The following AKAP19 variants were observed in gnomAD, a reference collection of about 807,000 sequenced individuals.
AKAP19 encodes A-kinase anchoring protein 19, also known as small A-kinase anchoring protein.
At chr2:190,066,381 A>T in the AKAP19 span, among the ~76,000 whole-genome samples, 2 of 152,194 alleles carry the variant, frequency 1.3e-5, no homozygotes, top group East Asian at 3.8e-4. Flanking sequence ...GACTTGCCGG[A>T]AGTTTAATGA....
At chr2:190,057,612 T>C in the AKAP19 span, 5 of 1,613,262 alleles carry the variant, frequency 3.1e-6, no homozygotes, top group Non-Finnish European at 4.2e-6. Flanking sequence ...TTGGTGTGTC[T>C]GTTACCTTGA....
At chr2:190,133,212 T>G in the AKAP19 span, among the ~76,000 whole-genome samples, 1 of 115,092 alleles carries the variant, frequency 8.7e-6, no homozygotes, top group Non-Finnish European at 1.6e-5. Context: ...CACTCCAGCC[T>G]GGGAGACAGA....
chr2:190,121,503 AC>A, the AKAP19 span, among the ~76,000 whole-genome samples: 2 of 152,232 alleles, frequency 1.3e-5, no homozygotes, highest in Admixed American at 6.5e-5. Flanking sequence ...TGGAAACACC[AC>A]ATTTATGGGC....
chr2:190,116,346 G>A, the AKAP19 span, among the ~76,000 whole-genome samples: 1 of 152,320 alleles, frequency 6.6e-6, no homozygotes, highest in East Asian at 1.9e-4. Context: ...GGGCAAGAGA[G>A]TGCATGTGAG....
the AKAP19 span, among the ~76,000 whole-genome samples, chr2:190,054,551 C>T: frequency 6.6e-6 from 1 of 152,136 alleles, no homozygotes; most frequent in Non-Finnish European, 1.5e-5. Context: ...ACCAGGCAAC[C>T]TACAGAATGG....
the AKAP19 span, among the ~76,000 whole-genome samples, chr2:189,976,696 C>T: frequency 2.0e-5 from 3 of 152,242 alleles, no homozygotes; most frequent in Admixed American, 2.0e-4. Context: ...CTCCCCCAGC[C>T]TCGCTGCTGC....
At chr2:190,147,106 T>C in the AKAP19 span, among the ~76,000 whole-genome samples, 1 of 152,246 alleles carries the variant, frequency 6.6e-6, no homozygotes, top group African/African-American at 2.4e-5. Context: ...TTTTCCAATG[T>C]TATCTTCTAG....
At chr2:189,895,367 TTG>T in the AKAP19 span, among the ~76,000 whole-genome samples, 1 of 152,198 alleles carries the variant, frequency 6.6e-6, no homozygotes, top group Non-Finnish European at 1.5e-5. Flanking sequence ...ACCCTAGCAC[TTG>T]TGTTGACCAT....
the AKAP19 span, among the ~76,000 whole-genome samples, chr2:190,111,740 G>T: frequency 1.3e-5 from 2 of 151,912 alleles, no homozygotes; most frequent in Admixed American, 6.6e-5. Flanking sequence ...CTGGGGTTGG[G>T]GGGGAAAGAA....
the AKAP19 span, among the ~76,000 whole-genome samples, chr2:189,888,170 T>G: frequency 6.6e-6 from 1 of 152,068 alleles, no homozygotes; most frequent in Non-Finnish European, 1.5e-5. Flanking sequence ...TAGCTGCATC[T>G]GGCTAGCCAG....
chr2:189,981,273 C>CTT, the AKAP19 span, among the ~76,000 whole-genome samples: 91 of 128,976 alleles, frequency 7.1e-4, 1 homozygote, highest in African/African-American at 2.4e-3. Flanking sequence ...CCTTCTTTGT[C>CTT]TTTTTTTTTT....
chr2:190,103,775 C>T, the AKAP19 span, among the ~76,000 whole-genome samples: 1 of 152,176 alleles, frequency 6.6e-6, no homozygotes, highest in Non-Finnish European at 1.5e-5. Flanking sequence ...AAGCAATCTA[C>T]AGATTCAATA....
chr2:189,989,202 T>G, the AKAP19 span, among the ~76,000 whole-genome samples: 1 of 151,968 alleles, frequency 6.6e-6, no homozygotes, highest in African/African-American at 2.4e-5. Context: ...CATGAGAACA[T>G]CTCAAGGATA....
chr2:190,175,056 A>G, the AKAP19 span, among the ~76,000 whole-genome samples: 1 of 150,112 alleles, frequency 6.7e-6, no homozygotes, highest in African/African-American at 2.5e-5. Context: ...TGGTGGGGGT[A>G]GGGGTGGTAG....
At chr2:189,984,590 G>A in the AKAP19 span, among the ~76,000 whole-genome samples, 12 of 152,070 alleles carry the variant, frequency 7.9e-5, no homozygotes, top group East Asian at 7.7e-4. Context: ...CATCCTCCTC[G>A]GCTGACAGGA....
the AKAP19 span, among the ~76,000 whole-genome samples, chr2:189,897,146 A>G: frequency 2.0e-5 from 3 of 152,162 alleles, no homozygotes; most frequent in East Asian, 5.8e-4. Flanking sequence ...CAACTAGTGC[A>G]AAGCTTGGGA....
the AKAP19 span, chr2:190,060,469 A>AT: frequency 6.3e-7 from 1 of 1,584,162 alleles, no homozygotes; most frequent in Non-Finnish European, 8.6e-7. Flanking sequence ...AGTTGCTGAA[A>AT]TTATTTCCCA....
At chr2:190,188,037 C>T in the AKAP19 span, among the ~76,000 whole-genome samples, 1 of 152,134 alleles carries the variant, frequency 6.6e-6, no homozygotes, top group African/African-American at 2.4e-5. Context: ...TCATGTATGA[C>T]TGTCATGTGT....
At chr2:189,930,558 C>T in the AKAP19 span, 2 of 230,204 alleles carry the variant, frequency 8.7e-6, no homozygotes, top group Admixed American at 5.6e-5. Context: ...CCCCTGTAGT[C>T]CCAGCTACTC....
Sources: gnomAD v4.1 joint callset for allele counts (sites outside exome capture counted in the v4.1 genomes callset) on GRCh38, gnomAD v4.1.1 for gene constraint, MANE v1.5 for transcripts, NCBI Gene and HGNC (gene_info 2026-07-23, HGNC 2026-07-21) for gene names.